Variants in ACAD11 observed in about 807,000 individuals in gnomAD.
The protein encoded by ACAD11 is acyl-CoA dehydrogenase family member 11, also known as acyl-Coenzyme A dehydrogenase family, member 11.
Under a neutral mutation model 102.2 loss-of-function variants are expected in ACAD11, and 83 were observed. That is an observed-to-expected ratio of 0.81 (90% CI 0.68 to 0.97). ACAD11 has a LOEUF of 0.97. Among genes scored for constraint, ACAD11 ranks in the 50% least tolerant of loss-of-function variants. The pLI is 0.00. For synonymous variants in ACAD11, 324 were observed against 319.8 expected (o/e 1.01, Z -0.14); for missense variants, 901 against 951.7 (o/e 0.95, Z 0.70).
At chr3:132,619,254 C>CA (rs1165930741) in intron 10 of ACAD11, among the ~76,000 whole-genome samples, 1 of 152,122 alleles carries the variant, frequency 6.6e-6, no homozygotes, top group African/African-American at 2.4e-5. Flanking sequence ...TTCCTTTGAA[C>CA]AGTTGTAAGA....
At chr3:132,584,335 A>C (rs1449048642) in intron 13 of ACAD11, among the ~76,000 whole-genome samples, 1 of 151,856 alleles carries the variant, frequency 6.6e-6, no homozygotes, top group Non-Finnish European at 1.5e-5. Context: ...GTCTCTTTTG[A>C]TCTTTGTTGG....
chr3:132,571,969 G>T (rs1381037292), intron 17 of ACAD11, among the ~76,000 whole-genome samples: 2 of 151,968 alleles, frequency 1.3e-5, no homozygotes, highest in African/African-American at 4.8e-5. Context: ...ATACTGAATG[G>T]GCAAACACTG....
intron 17 of ACAD11, among the ~76,000 whole-genome samples, chr3:132,563,849 T>G (rs1180382465): frequency 6.6e-6 from 1 of 152,210 alleles, no homozygotes; most frequent in East Asian, 1.9e-4. Context: ...CATTCTTGCC[T>G]CATTTCCAGT....
Position 132,566,296 on chromosome 3 carries a change from C to CAAAAAAAAAAAAA in ACAD11, c.2002-5080_2002-5079insTTTTTTTTTTTTT, listed in dbSNP as rs371477145. On this transcript the variant is annotated intron_variant, in intron 17 of 19. Coordinates refer to ENST00000264990, the MANE Select transcript of ACAD11 (RefSeq NM_032169.5). Reference sequence around the variant, plus strand: ...CTAAACCAAAGAGAGAAAACAAACTCAAAAAAACAAAAAAAAAAAGAACAG... The same window carrying CAAAAAAAAAAAAA: ...CTAAACCAAAGAGAGAAAACAAACTCAAAAAAAAAAAAAAAAAAAACAAAAAAAAAAAGAACAG... Among the ~76,000 whole-genome samples the CAAAAAAAAAAAAA allele has an allele frequency of 9.7e-5, 6 of 61,884 alleles. 1 individual carries two copies. Among genetic ancestry groups the CAAAAAAAAAAAAA allele is most frequent in the Non-Finnish European group, 2.0e-4 (5 of 24,762 alleles). The allele number at this position is 61,884 out of a possible 152,430, so 40.6% of individuals were successfully genotyped here. A position where few individuals can be genotyped will look rare whatever the true frequency, so the allele number is the denominator to read the frequency against.
chr3:132,566,296 C>CAAAAAAAA (rs371477145), intron 17 of ACAD11, among the ~76,000 whole-genome samples: 49 of 61,828 alleles, frequency 7.9e-4, no homozygotes, highest in African/African-American at 1.8e-3. Context: ...AAAACAAACT[C>CAAAAAAAA]AAAAAAACAA....
chr3:132,657,483 G>C (rs1220630060), intron 1 of ACAD11, among the ~76,000 whole-genome samples: 1 of 152,100 alleles, frequency 6.6e-6, no homozygotes, highest in Non-Finnish European at 1.5e-5. Flanking sequence ...TTAGGATTTT[G>C]ATTGTCATTG....
intron 1 of ACAD11, among the ~76,000 whole-genome samples, chr3:132,653,306 A>G (rs925494651): frequency 6.6e-6 from 1 of 152,132 alleles, no homozygotes; most frequent in East Asian, 1.9e-4. Context: ...TCCTATTTCA[A>G]CGAGCAAATA....
At chr3:132,657,062 C>G (rs1423319420) in intron 1 of ACAD11, among the ~76,000 whole-genome samples, 1 of 151,936 alleles carries the variant, frequency 6.6e-6, no homozygotes, top group Non-Finnish European at 1.5e-5. Context: ...CTGCTGTTGT[C>G]TTTAAAATAT....
intron 17 of ACAD11, among the ~76,000 whole-genome samples, chr3:132,565,095 C>T (rs1327625985): frequency 6.6e-6 from 1 of 152,140 alleles, no homozygotes; most frequent in East Asian, 1.9e-4. Flanking sequence ...TAGAGAATAA[C>T]CACTTTACTC....
At chr3:132,639,411 A>G (rs1940396362) in intron 5 of ACAD11, 81 bp downstream of exon 5, 1 of 1,379,878 alleles carries the variant, frequency 7.2e-7, no homozygotes, top group Admixed American at 2.4e-5. Flanking sequence ...GGGCTCCCTC[A>G]GTGCTCTGGG....
chr3:132,588,331 A>C (rs1254901620), intron 13 of ACAD11, among the ~76,000 whole-genome samples: 1 of 152,136 alleles, frequency 6.6e-6, no homozygotes, highest in Non-Finnish European at 1.5e-5. Context: ...CTTACCTTTA[A>C]ACTTTGCCAA....
chr3:132,634,904 GT>G, intron 5 of ACAD11, among the ~76,000 whole-genome samples: 1 of 145,766 alleles, frequency 6.9e-6, no homozygotes, highest in Non-Finnish European at 1.5e-5. Context: ...GGGGCCTGTT[GT>G]GGGGTGGGGG....
intron 17 of ACAD11, among the ~76,000 whole-genome samples, chr3:132,566,109 C>T (rs551261854): frequency 6.6e-6 from 1 of 151,590 alleles, no homozygotes; most frequent in East Asian, 1.9e-4. Flanking sequence ...AAAGCCTCAG[C>T]AAAGAAATAG....
chr3:132,644,901 A>G lies in ACAD11; in HGVS notation c.150-5T>C, dbSNP rs1940660692. ...GTTGGATTGGACTTTCCTGCTCTAG[A>G]TAAAAGTAAAAAAAAAAAAGGTCAA... On this transcript the variant is annotated splice_polypyrimidine_tract_variant and splice_region_variant and intron_variant, in intron 1 of 19. Coordinates refer to ENST00000264990, the MANE Select transcript of ACAD11 (RefSeq NM_032169.5). 1 of 1,563,520 alleles carries G rather than the reference A, an allele frequency of 6.4e-7. No individual in the cohort carries two copies.
intron 11 of ACAD11, among the ~76,000 whole-genome samples, chr3:132,617,526 C>T (rs1365637703): frequency 6.6e-6 from 1 of 152,154 alleles, no homozygotes; most frequent in Non-Finnish European, 1.5e-5. Context: ...TATTTAGAAT[C>T]TTGCTACTTA....
At chr3:132,625,464 T>C (rs1939775972) in intron 9 of ACAD11, among the ~76,000 whole-genome samples, 1 of 152,172 alleles carries the variant, frequency 6.6e-6, no homozygotes. Flanking sequence ...TGCATTCCCT[T>C]TTTAATACTC....
chr3:132,577,096 T>A, intron 15 of ACAD11, 81 bp from the exon 16 acceptor site: 1 of 846,450 alleles, frequency 1.2e-6, no homozygotes, highest in Admixed American at 2.3e-5. Flanking sequence ...TGAAATATAA[T>A]TACTTGAAGA....
Position 132,603,231 on chromosome 3 carries a change from C to T in ACAD11, c.1619G>A (p.Ser540Asn), listed in dbSNP as rs939145618. Residue 540 changes from serine to asparagine, a missense_variant and splice_region_variant, in exon 13 of 20, where the codon AGT becomes AAT. Physicochemically the swap from Ser to Asn is conservative, Grantham distance 46. Coordinates refer to ENST00000264990, the MANE Select transcript of ACAD11 (RefSeq NM_032169.5). Reference sequence around the variant, plus strand: ...AAAAAATTAGGCTGAACACTCACCACTGCTCCACCATTTTTTGCCGTTAAT... The same window carrying T: ...AAAAAATTAGGCTGAACACTCACCATTGCTCCACCATTTTTTGCCGTTAAT... ...YVINGKKWWS[S>N]GAGNPKCKIA... is the part of the protein sequence containing the mutation. The T allele has an allele frequency of 1.2e-6, 2 of 1,613,826 alleles. No individual in the cohort carries two copies. Among genetic ancestry groups the T allele is most frequent in the Non-Finnish European group, 1.7e-6 (2 of 1,179,726 alleles).
chr3:132,607,214 T>C (rs1938883583), intron 11 of ACAD11, among the ~76,000 whole-genome samples: 1 of 152,090 alleles, frequency 6.6e-6, no homozygotes, highest in Non-Finnish European at 1.5e-5. Flanking sequence ...GAATGCCTCT[T>C]CTCTCCAAAG....
Sources: allele counts gnomAD v4.1 joint callset (sites outside exome capture counted in the v4.1 genomes callset), GRCh38; gene constraint gnomAD v4.1.1; transcripts MANE v1.5; gene names NCBI Gene and HGNC (gene_info 2026-07-23, HGNC 2026-07-21).